The following TSSC4 variants were observed in gnomAD, a reference collection of about 807,000 sequenced individuals.
The protein encoded by TSSC4 is U5 small nuclear ribonucleoprotein TSSC4.
For missense variants in TSSC4, 500 were observed against 443.9 expected (o/e 1.13, Z -1.14); for synonymous variants, 259 against 197.9 (o/e 1.31, Z -2.59).
chr11:2,403,785 G>A lies in TSSC4; in HGVS notation c.*162G>A. Reference sequence around the variant, plus strand: ...GCAGTTCTGGGCAGCATCCTCCCAAGCAGAGACCTTGCTGAAGCTCCTGGG... The same window carrying A: ...GCAGTTCTGGGCAGCATCCTCCCAAACAGAGACCTTGCTGAAGCTCCTGGG... On this transcript the variant is annotated 3_prime_UTR_variant, in exon 3 of 3. Coordinates refer to ENST00000333256, the MANE Select transcript of TSSC4 (RefSeq NM_005706.4). 2 of 661,256 alleles carry A rather than the reference G, an allele frequency of 3.0e-6. No individual in the cohort carries two copies. The highest frequency in any genetic ancestry group is 7.2e-5 in the South Asian group (2 of 27,690). 41.0% of individuals were successfully genotyped at this position (661,256 alleles called of 1,614,324 possible). A position where few individuals can be genotyped will look rare whatever the true frequency, so the allele number is the denominator to read the frequency against.
In TSSC4 at chr11:2,403,425, G is replaced by A. The variant is rs770505214; in HGVS notation, c.792G>A (p.Gly264=). 28 of 1,592,564 alleles carry A rather than the reference G, an allele frequency of 1.8e-5. No individual in the cohort carries two copies. The highest frequency in any genetic ancestry group is 1.7e-4 in the Middle Eastern group (1 of 5,954). ...AGCTGGCCCATCTGGCCGGGCCCGGGAGCCCAGAGGCTGAGGAGTGGGGCA... is the reference window on the plus strand; with the variant it reads ...AGCTGGCCCATCTGGCCGGGCCCGGAAGCCCAGAGGCTGAGGAGTGGGGCA... ...PVELAHLAGP[G]SPEAEEWGSH... Residue 264 remains glycine (G), a synonymous_variant, in exon 3 of 3, where the codon GGG becomes GGA. Coordinates refer to ENST00000333256, the MANE Select transcript of TSSC4 (RefSeq NM_005706.4).
At position 2,403,030 on chromosome 11, in the gene TSSC4, C is replaced by T. The variant is rs1850203302; in HGVS notation, c.397C>T (p.Pro133Ser). The change falls in exon 3 of 3, where the codon CCA (proline) becomes TCA (serine). Residue 133 changes from proline to serine, a missense_variant. Transcript: ENST00000333256. Reference protein sequence around the residue: ...KRPLAPSGRSPVEGLGRAHRS... With the variant: ...KRPLAPSGRSSVEGLGRAHRS... The stretch of plus-strand genomic sequence containing the variant: ...GCCCCTAGCGCCCTCAGGCCGGTCT[C>T]CAGTGGAAGGCCTGGGCAGGGCCCA... The T allele has an allele frequency of 1.2e-6, 2 of 1,608,858 alleles. No individual in the cohort carries two copies. The highest frequency in any genetic ancestry group is 1.3e-5 in the African/African-American group (1 of 74,986).
intron 2 of TSSC4, 45 bp downstream of exon 2, chr11:2,402,495 G>A (rs1172683427): frequency 5.3e-6 from 5 of 950,208 alleles, no homozygotes; most frequent in African/African-American, 3.3e-5. Flanking sequence ...CACCCTGTGT[G>A]GGACAGTTCT....
intron 1 of TSSC4, chr11:2,402,075 G>A (rs1331233221): frequency 6.5e-6 from 1 of 152,902 alleles, no homozygotes; most frequent in Non-Finnish European, 1.5e-5. Context: ...TTCAAGCCCT[G>A]GGTGGCTGCT....
chr11:2,402,773 A>C lies in TSSC4; in HGVS notation c.140A>C (p.Glu47Ala), dbSNP rs1405090255. The C allele has an allele frequency of 6.4e-7, 1 of 1,572,284 alleles. No individual in the cohort carries two copies. The highest frequency in any genetic ancestry group is 8.6e-7 in the Non-Finnish European group (1 of 1,158,226). Residue 47 changes from glutamate (E) to alanine (A), a missense_variant, in exon 3 of 3, where the codon GAA becomes GCA. Glu to Ala is a moderately radical substitution (Grantham distance 107). Coordinates refer to ENST00000333256, the MANE Select transcript of TSSC4 (RefSeq NM_005706.4). ...DLSLPGGAEV[E>A]ALSPMGLPGE... ...AGCTTGCCCGGTGGTGCTGAAGTGGAAGCACTGTCCCCGATGGGGCTGCCT... is the reference window on the plus strand; with the variant it reads ...AGCTTGCCCGGTGGTGCTGAAGTGGCAGCACTGTCCCCGATGGGGCTGCCT...
Position 2,403,502 on chromosome 11 carries a change from G to GTGGGTC in TSSC4, c.872_877dup (p.Gly291_Ser292dup), listed in dbSNP as rs750413177. On this transcript the variant is annotated inframe_insertion, in exon 3 of 3. Coordinates refer to ENST00000333256, the MANE Select transcript of TSSC4 (RefSeq NM_005706.4). ...GAGGCACTGTCAGGGTCTGTCCACA[G>GTGGGTC]TGGGTCTGTGCCAGGTCTCCCGCCG... The GTGGGTC allele has an allele frequency of 6.2e-7, 1 of 1,601,796 alleles. No individual in the cohort carries two copies. The highest frequency in any genetic ancestry group is 1.3e-5 in the African/African-American group (1 of 74,708).
At chr11:2,402,562 C>T in intron 2 of TSSC4, 49 bp from the exon 3 acceptor site, 3 of 1,450,374 alleles carry the variant, frequency 2.1e-6, no homozygotes, top group Non-Finnish European at 2.8e-6. Flanking sequence ...AACTCATTCT[C>T]AATACTGTTC....
Position 2,403,295 on chromosome 11 carries a change from G to T in TSSC4, c.662G>T (p.Gly221Val), listed in dbSNP as rs1850224814. The part of the protein sequence containing the change: ...GRVIFTKPVR[G>V]VEARHERKRV... ...GTCATCTTCACCAAACCAGTCCGAGGGGTCGAAGCCAGACACGAGAGGAAG... is the reference window on the plus strand; with the variant it reads ...GTCATCTTCACCAAACCAGTCCGAGTGGTCGAAGCCAGACACGAGAGGAAG... The change falls in exon 3 of 3, where the codon GGG (glycine) becomes GTG (valine). Residue 221 changes from glycine (G) to valine (V), a missense_variant. Coordinates refer to ENST00000333256, the MANE Select transcript of TSSC4 (RefSeq NM_005706.4). 6.2e-7 allele frequency: 1 copy of T among 1,612,476 alleles called. No homozygotes were observed. The highest frequency in any genetic ancestry group is 8.5e-7 in the Non-Finnish European group (1 of 1,179,572).
At position 2,402,975 on chromosome 11, in the gene TSSC4, C is replaced by A. The variant is rs755917994; in HGVS notation, c.342C>A (p.Thr114=). 5 of 1,609,786 alleles carry A rather than the reference C, an allele frequency of 3.1e-6. No homozygotes were observed. In the Admixed American group the frequency reaches 6.7e-5, roughly 22 times the overall value. Residue 114 remains threonine, a synonymous_variant, in exon 3 of 3, where the codon ACC becomes ACA. Coordinates refer to ENST00000333256, the MANE Select transcript of TSSC4 (RefSeq NM_005706.4). Reference sequence around the variant, plus strand: ...GGGCTCCATCCTCTGTGGCCCACACCAGCATGAGTGACAACGGAGGCTTCA... The same window carrying A: ...GGGCTCCATCCTCTGTGGCCCACACAAGCATGAGTGACAACGGAGGCTTCA... ...ARRAPSSVAH[T]SMSDNGGFKR...
chr11:2,403,233 C>T lies in TSSC4; in HGVS notation c.600C>T (p.Ser200=). ...SLAAPTDCVS[S]FNQDPSSCGE... is the part of the protein sequence containing the mutation. ...CTGCCCCCACTGACTGCGTGTCCTC[C>T]TTCAACCAGGATCCCTCCAGCTGTG... The change falls in exon 3 of 3, where the codon TCC becomes TCT. Residue 200 remains serine, a synonymous_variant. Coordinates refer to ENST00000333256, the MANE Select transcript of TSSC4 (RefSeq NM_005706.4). 6.2e-7 allele frequency: 1 copy of T among 1,612,908 alleles called. No homozygotes were observed. Among genetic ancestry groups the T allele is most frequent in the Non-Finnish European group, 8.5e-7 (1 of 1,179,946 alleles).
Position 2,402,367 on chromosome 11 carries a change from TTCA to T in TSSC4, c.-103_-101del. The T allele has an allele frequency of 2.0e-6, 1 of 502,886 alleles. No individual in the cohort carries two copies. 31.2% of individuals were successfully genotyped at this position (502,886 alleles called of 1,614,324 possible). ...GACCACGCCTGTGCCGCTGAGGACC[TTCA>T]TCAGGGCTCCGTCCACTTGGCCCGC... On this transcript the variant is annotated 5_prime_UTR_variant, in exon 2 of 3. Transcript: ENST00000333256.
Position 2,402,712 on chromosome 11 carries a change from GAC to G in TSSC4, c.83_84del (p.Thr28SerfsTer5), listed in dbSNP as rs771556890. On this transcript the variant is annotated frameshift_variant, in exon 3 of 3. Transcript: ENST00000333256. LOFTEE classifies it low-confidence loss of function (END_TRUNC). Reference sequence around the variant, plus strand: ...GACGGAGTATGACACGCTGCCTTCCGACACAGTCTCCCTCAGTGACTCGGACT... The same window carrying G: ...GACGGAGTATGACACGCTGCCTTCCGACAGTCTCCCTCAGTGACTCGGACT... ...HGTEYDTLPSDTVSLSDSDSD... is the reference protein window; with the variant it reads ...HGTEYDTLPSXTVSLSDSDSD... 28 of 1,577,784 alleles carry G rather than the reference GAC, an allele frequency of 1.8e-5. No individual in the cohort carries two copies. The South Asian group carries it at 2.7e-4, about 15-fold the overall frequency.
rs1182258414 is a variant in TSSC4 at position 2,403,227 on chromosome 11, G to A, written c.594G>A (p.Val198=). 6.2e-7 allele frequency: 1 copy of A among 1,612,758 alleles called. No individual in the cohort carries two copies. Among genetic ancestry groups the A allele is most frequent in the African/African-American group, 1.3e-5 (1 of 74,954 alleles). Residue 198 remains valine (V), a synonymous_variant, in exon 3 of 3, where the codon GTG becomes GTA. Coordinates refer to ENST00000333256, the MANE Select transcript of TSSC4 (RefSeq NM_005706.4). ...SQSLAAPTDC[V]SSFNQDPSSC... is the part of the protein sequence containing the mutation. ...GCCTGGCTGCCCCCACTGACTGCGT[G>A]TCCTCCTTCAACCAGGATCCCTCCA...
rs1312108185 is a variant in TSSC4, at chr11:2,403,303, G to A, written c.670G>A (p.Ala224Thr). The A allele has an allele frequency of 1.2e-6, 2 of 1,612,520 alleles. No individual in the cohort carries two copies. The highest frequency in any genetic ancestry group is 1.1e-5 in the South Asian group (1 of 90,942). ...IFTKPVRGVE[A>T]RHERKRVLGK... ...CACCAAACCAGTCCGAGGGGTCGAA[G>A]CCAGACACGAGAGGAAGAGGGTCCT... is the stretch of plus-strand genomic sequence containing the variant. The change falls in exon 3 of 3, where the codon GCC becomes ACC. Residue 224 changes from alanine (A) to threonine (T), a missense_variant. Physicochemically the swap from Ala to Thr is moderately conservative, Grantham distance 58 (BLOSUM62 0). Coordinates refer to ENST00000333256, the MANE Select transcript of TSSC4 (RefSeq NM_005706.4).
rs1850174425 is a variant in TSSC4 at position 2,402,398 on chromosome 11, G to A, written c.-76G>A. On this transcript the variant is annotated 5_prime_UTR_variant, in exon 2 of 3. Coordinates refer to ENST00000333256, the MANE Select transcript of TSSC4 (RefSeq NM_005706.4). ...AGGGCTCCGTCCACTTGGCCCGCTT[G>A]GCTGTCCAATCACACTCCAGTGTCA... is the stretch of plus-strand genomic sequence containing the variant. 3.7e-6 allele frequency: 2 copies of A among 540,680 alleles called. No homozygotes were observed. The highest frequency in any genetic ancestry group is 6.5e-6 in the Non-Finnish European group (2 of 305,594). The allele number at this position is 540,680 out of a possible 1,614,324, so 33.5% of individuals were successfully genotyped here. A position where few individuals can be genotyped will look rare whatever the true frequency, so the allele number is the denominator to read the frequency against.
rs749954838 is a variant in TSSC4 at position 2,403,226 on chromosome 11, T to G, written c.593T>G (p.Val198Gly). 1 of 1,612,732 alleles carries G rather than the reference T, an allele frequency of 6.2e-7. No homozygotes were observed. Among genetic ancestry groups the G allele is most frequent in the Non-Finnish European group, 8.5e-7 (1 of 1,179,952 alleles). ...SQSLAAPTDC[V>G]SSFNQDPSSC... is the part of the protein sequence containing the mutation. ...AGCCTGGCTGCCCCCACTGACTGCG[T>G]GTCCTCCTTCAACCAGGATCCCTCC... The change falls in exon 3 of 3, where the codon GTG becomes GGG. Residue 198 changes from valine to glycine, a missense_variant. Transcript: ENST00000333256.
In TSSC4 at chr11:2,403,131, C is replaced by T. The variant is rs1850210845; in HGVS notation, c.498C>T (p.Ser166=). 6.2e-7 allele frequency: 1 copy of T among 1,612,516 alleles called. No individual in the cohort carries two copies. Residue 166 remains serine (S), a synonymous_variant, in exon 3 of 3, where the codon AGC becomes AGT. Coordinates refer to ENST00000333256, the MANE Select transcript of TSSC4 (RefSeq NM_005706.4). ...VAHPERWTKY[S]LEDVTEVSEQ... ...ACCCCGAGCGCTGGACCAAGTACAG[C>T]CTGGAAGATGTGACCGAGGTCAGCG...
Position 2,403,654 on chromosome 11 carries a change from C to G in TSSC4, c.*31C>G, listed in dbSNP as rs766199092. Reference sequence around the variant, plus strand: ...AGATGGCCCAGCCTGACCCCACTGGCCACTGCCATCCTGCTGCCTTCCCAG... The same window carrying G: ...AGATGGCCCAGCCTGACCCCACTGGGCACTGCCATCCTGCTGCCTTCCCAG... On this transcript the variant is annotated 3_prime_UTR_variant, in exon 3 of 3. Transcript: ENST00000333256. 6.8e-7 allele frequency: 1 copy of G among 1,466,032 alleles called. No individual in the cohort carries two copies. Among genetic ancestry groups the G allele is most frequent in the African/African-American group, 1.4e-5 (1 of 69,586 alleles). 90.8% of individuals were successfully genotyped at this position (1,466,032 alleles called of 1,614,324 possible).
rs1179174094 is a variant in TSSC4, at chr11:2,403,334, A to C, written c.701A>C (p.Lys234Thr). The C allele has an allele frequency of 1.2e-6, 2 of 1,612,324 alleles. No homozygotes were observed. The highest frequency in any genetic ancestry group is 1.7e-5 in the Admixed American group (1 of 59,888). Residue 234 changes from lysine (K) to threonine (T), a missense_variant, in exon 3 of 3, where the codon AAG (lysine) becomes ACG (threonine). Transcript: ENST00000333256. ...ARHERKRVLG[K>T]VGEPGRGGLG... ...CACGAGAGGAAGAGGGTCCTGGGGA[A>C]GGTGGGAGAGCCAGGCAGGGGCGGC... is the stretch of plus-strand genomic sequence containing the variant.
Sources: gnomAD v4.1 joint callset for allele counts on GRCh38, gnomAD v4.1.1 for gene constraint, MANE v1.5 for transcripts, NCBI Gene and HGNC (gene_info 2026-07-23, HGNC 2026-07-21) for gene names.